Variants in COBLL1 observed in about 807,000 individuals in gnomAD.
COBLL1 encodes the protein cordon-bleu WH2 repeat protein like 1, also known as cordon-bleu protein-like 1.
Under a neutral mutation model 94.8 loss-of-function variants are expected in COBLL1, and 50 were observed. The ratio of observed to expected loss-of-function variants is 0.53; its 90% CI spans 0.42 to 0.67. The LOEUF is 0.67. COBLL1 is among the 30% of genes least tolerant of loss of function. The pLI is 0.00. For synonymous variants in COBLL1, 448 were observed against 473.8 expected (o/e 0.95, Z 0.71); for missense variants, 1,362 against 1,348.7 (o/e 1.01, Z -0.15).
intron 2 of COBLL1, among the ~76,000 whole-genome samples, chr2:164,809,276 G>A (rs759255963): frequency 1.6e-4 from 24 of 151,848 alleles, no homozygotes; most frequent in African/African-American, 4.1e-4. Context: ...ATCCATAAAA[G>A]CCATTTTAAA....
At chr2:164,723,490 A>G (rs1022728341) in intron 5 of COBLL1, 6 of 152,152 alleles carry the variant, frequency 3.9e-5, no homozygotes, top group African/African-American at 1.4e-4. Flanking sequence ...TAAACTTGGG[A>G]CATCTAGCCA....
intron 12 of COBLL1, among the ~76,000 whole-genome samples, chr2:164,693,148 A>G (rs1320400104): frequency 6.6e-6 from 1 of 152,044 alleles, no homozygotes; most frequent in Non-Finnish European, 1.5e-5. Flanking sequence ...GGCTCAGGCA[A>G]TGACTTAAAA....
chr2:164,825,918 CT>C (rs1313473291), intron 2 of COBLL1, among the ~76,000 whole-genome samples: 1 of 152,086 alleles, frequency 6.6e-6, no homozygotes, highest in Non-Finnish European at 1.5e-5. Flanking sequence ...ACCTCAATTT[CT>C]TGTTTACAGG....
intron 2 of COBLL1, among the ~76,000 whole-genome samples, chr2:164,837,734 T>G (rs1480745184): frequency 6.6e-6 from 1 of 152,130 alleles, no homozygotes; most frequent in Non-Finnish European, 1.5e-5. Flanking sequence ...ATATATAAAG[T>G]TGCATGCAAT....
At chr2:164,818,716 T>C (rs557613323) in intron 2 of COBLL1, among the ~76,000 whole-genome samples, 1 of 79,642 alleles carries the variant, frequency 1.3e-5, no homozygotes, top group African/African-American at 5.7e-5. Context: ...ACATATATAG[T>C]ATATATATAT....
intron 2 of COBLL1, among the ~76,000 whole-genome samples, chr2:164,839,712 T>C (rs776014221): frequency 3.3e-4 from 50 of 152,202 alleles, no homozygotes; most frequent in Non-Finnish European, 5.4e-4. Flanking sequence ...TCCTGACAGC[T>C]GTCTCATCGT....
intron 4 of COBLL1, among the ~76,000 whole-genome samples, 184 bp downstream of exon 4, chr2:164,729,730 G>T (rs558467295): frequency 2.0e-5 from 3 of 152,154 alleles, no homozygotes; most frequent in East Asian, 3.9e-4. Flanking sequence ...TAAATCTAAA[G>T]TACTGCCCAA....
intron 7 of COBLL1, among the ~76,000 whole-genome samples, chr2:164,716,921 T>C (rs1302889914): frequency 6.6e-6 from 1 of 152,170 alleles, no homozygotes; most frequent in Admixed American, 6.5e-5. Flanking sequence ...GCTACAGATT[T>C]ACTGACATCA....
At chr2:164,678,789 T>C (rs1051102074), downstream of COBLL1, among the ~76,000 whole-genome samples, 2 of 152,190 alleles carry the variant, frequency 1.3e-5, no homozygotes, top group African/African-American at 4.8e-5. Flanking sequence ...AGTTTTCTTT[T>C]ATGACCGTGT....
chr2:164,765,106 G>T (rs1687868477), intron 2 of COBLL1, among the ~76,000 whole-genome samples: 1 of 152,064 alleles, frequency 6.6e-6, no homozygotes, highest in Admixed American at 6.6e-5. Context: ...ATTTAACTGG[G>T]AACATAATAA....
chr2:164,841,275 G>A lies in COBLL1; in HGVS notation c.-50-29C>T. 1.6e-6 allele frequency: 2 copies of A among 1,220,500 alleles called. No individual in the cohort carries two copies. 75.6% of individuals were successfully genotyped at this position (1,220,500 alleles called of 1,614,324 possible). A position where few individuals can be genotyped will look rare whatever the true frequency, so the allele number is the denominator to read the frequency against. On this transcript the variant is annotated intron_variant, in intron 1 of 13. Transcript: ENST00000652658. This position sits in a 1 kb window ranked among gnomAD's most constrained non-coding sequence, Gnocchi z 5.5. ...GGGTGGGAGAGGCCGGCGGGTCAGGGCGGGACGCGCGCCTTCCCGAGGCCG... is the reference window on the plus strand; with the variant it reads ...GGGTGGGAGAGGCCGGCGGGTCAGGACGGGACGCGCGCCTTCCCGAGGCCG...
At chr2:164,812,839 T>C (rs985070599) in intron 2 of COBLL1, among the ~76,000 whole-genome samples, 33 of 152,140 alleles carry the variant, frequency 2.2e-4, no homozygotes, top group African/African-American at 7.5e-4. Context: ...ATAAGCATTA[T>C]GCAGTTGCAC....
At chr2:164,781,153 A>G (rs1688705470) in intron 2 of COBLL1, among the ~76,000 whole-genome samples, 1 of 152,240 alleles carries the variant, frequency 6.6e-6, no homozygotes. Flanking sequence ...TTTTACATAC[A>G]TCACAGTGAA....
At chr2:164,723,232 G>C (rs2105502462) in intron 5 of COBLL1, 1 of 152,238 alleles carries the variant, frequency 6.6e-6, no homozygotes, top group East Asian at 1.9e-4. Context: ...TAATAGTGCT[G>C]AAAATTAGGA....
At chr2:164,670,868 G>A (rs149149614) in intron 1 of COBLL1, among the ~76,000 whole-genome samples, 17 of 152,342 alleles carry the variant, frequency 1.1e-4, no homozygotes, top group African/African-American at 4.1e-4. Context: ...GGAGAAGAAA[G>A]AAAAGCAATG....
chr2:164,762,879 G>T (rs1041049801), intron 2 of COBLL1, among the ~76,000 whole-genome samples: 4 of 151,936 alleles, frequency 2.6e-5, no homozygotes, highest in South Asian at 2.1e-4. Flanking sequence ...TGTATTTTTA[G>T]TAGAGACGGG....
chr2:164,743,786 G>A lies in COBLL1; in HGVS notation c.131C>T (p.Ala44Val), dbSNP rs1190795748. The change falls in exon 3 of 14, where the codon GCT becomes GTT. Residue 44 changes from alanine (A) to valine (V), a missense_variant. Transcript: ENST00000652658. ...GTTTTCTTTCTGTTCCATGATGAAA[G>A]CAGTGGATTCTACAGAATCAGCAGC... ...SSAADSVEST[A>V]FIMEQKENMI... 1 of 1,613,138 alleles carries A rather than the reference G, an allele frequency of 6.2e-7. No homozygotes were observed. The highest frequency in any genetic ancestry group is 8.5e-7 in the Non-Finnish European group (1 of 1,179,394).
chr2:164,727,905 C>A, intron 5 of COBLL1, 64 bp downstream of exon 5: 1 of 1,136,262 alleles, frequency 8.8e-7, no homozygotes, highest in Non-Finnish European at 1.3e-6. Context: ...CACACAAACA[C>A]AATGCACAAA....
chr2:164,761,716 C>T (rs913097542), intron 2 of COBLL1, among the ~76,000 whole-genome samples: 2 of 152,026 alleles, frequency 1.3e-5, no homozygotes, highest in African/African-American at 4.8e-5. Flanking sequence ...TTCCTTTGTT[C>T]GATATAATTC....
Sources: allele counts gnomAD v4.1 joint callset (sites outside exome capture counted in the v4.1 genomes callset), GRCh38; gene constraint gnomAD v4.1.1; non-coding constraint Gnocchi (gnomAD v3.1); transcripts MANE v1.5; gene names NCBI Gene and HGNC (gene_info 2026-07-23, HGNC 2026-07-21).